RGS5: variants seen among roughly 807,000 people sequenced by gnomAD.
RGS5 encodes regulator of G-protein signalling 5.
Under a neutral mutation model 18.9 loss-of-function variants are expected in RGS5, and 20 were observed. The ratio of observed to expected loss-of-function variants is 1.06; its 90% confidence interval spans 0.74 to 1.54. RGS5 has a LOEUF of 1.54. Ranked by LOEUF, RGS5 falls within the 40% of genes most tolerant of loss-of-function variation. RGS5 has a pLI of 0.00. For synonymous variants in RGS5, 57 were observed against 76.2 expected, an observed-to-expected ratio of 0.75 and a Z score of 1.31; for missense variants, 201 against 211.8, an observed-to-expected ratio of 0.95 and a Z score of 0.32.
chr1:163,186,545 C>T lies in RGS5; in HGVS notation c.44+16247G>A, dbSNP rs561222782. 2.9e-5 allele frequency among the ~76,000 whole-genome samples: 4 copies of T among 137,996 alleles called. No individual in the cohort carries two copies. In the East Asian group the frequency reaches 8.7e-4, roughly 30 times the overall value. The allele number at this position is 137,996 out of a possible 152,430, so 90.5% of individuals were successfully genotyped here. A position where few individuals can be genotyped will look rare whatever the true frequency, so the allele number is the denominator to read the frequency against. On this transcript the variant is annotated intron_variant, in intron 1 of 4. Coordinates refer to ENST00000313961, the MANE Select transcript of RGS5 (RefSeq NM_003617.4). The stretch of plus-strand genomic sequence containing the variant: ...AGTGAGCCGAGATCACACCACTGCA[C>T]TCCAGCCTGGGCGACAGAGCGAGAC...
intron 2 of RGS5, among the ~76,000 whole-genome samples, chr1:163,246,352 C>T (rs1429260159): frequency 2.0e-5 from 3 of 151,704 alleles, no homozygotes; most frequent in Admixed American, 6.6e-5. Flanking sequence ...GGGCGGATCA[C>T]GAGGTCAGGA....
intron 1 of RGS5, among the ~76,000 whole-genome samples, chr1:163,181,512 A>G (rs1462702585): frequency 1.3e-5 from 2 of 152,188 alleles, no homozygotes; most frequent in African/African-American, 4.8e-5. Flanking sequence ...AAAAACTGAG[A>G]TTCACAGAAA....
intron 2 of RGS5, among the ~76,000 whole-genome samples, chr1:163,246,917 T>C (rs1393846417): frequency 1.3e-5 from 2 of 152,132 alleles, no homozygotes; most frequent in African/African-American, 4.8e-5. Flanking sequence ...AAGAATGAAA[T>C]CATGTCGTTT....
intron 1 of RGS5, among the ~76,000 whole-genome samples, chr1:163,216,568 G>A (rs1197809903): frequency 6.6e-6 from 1 of 152,166 alleles, no homozygotes; most frequent in Non-Finnish European, 1.5e-5. Context: ...ATAGCACGGT[G>A]GAGATTTATA....
At chr1:163,229,524 A>G (rs530622793) in intron 2 of RGS5, among the ~76,000 whole-genome samples, 1 of 152,310 alleles carries the variant, frequency 6.6e-6, no homozygotes, top group African/African-American at 2.4e-5. Flanking sequence ...CTCAAGACTG[A>G]CATATGTTCC....
chr1:163,242,490 A>C lies in RGS5; in HGVS notation c.-281+63743T>G, dbSNP rs537368175. Among the ~76,000 whole-genome samples the C allele has an allele frequency of 3.3e-5, 5 of 152,356 alleles. No homozygotes were observed. The South Asian group carries it at 8.3e-4, about 25-fold the overall frequency. ...ATACACAAATGAGTATTATGCTCTA[A>C]GGCAAACTTTGAAACACACCATAAT... On this transcript the variant is annotated intron_variant, in intron 2 of 5. Transcript: ENST00000618415.
At chr1:163,225,324 T>C (rs973078389) in intron 2 of RGS5, among the ~76,000 whole-genome samples, 1 of 152,164 alleles carries the variant, frequency 6.6e-6, no homozygotes, top group Non-Finnish European at 1.5e-5. Context: ...GCTGAGTCCA[T>C]CCAGATTTAC....
At chr1:163,253,003 G>A (rs1571320224) in intron 2 of RGS5, among the ~76,000 whole-genome samples, 1 of 152,262 alleles carries the variant, frequency 6.6e-6, no homozygotes, top group East Asian at 1.9e-4. Flanking sequence ...AATCTCATCT[G>A]TGATGAAAGT....
At chr1:163,178,728 A>C (rs987952083) in intron 1 of RGS5, among the ~76,000 whole-genome samples, 1 of 152,118 alleles carries the variant, frequency 6.6e-6, no homozygotes, top group Non-Finnish European at 1.5e-5. Context: ...CACACACACA[A>C]AGATTGCTTA....
At chr1:163,163,580 G>A (rs1252979397) in intron 2 of RGS5, among the ~76,000 whole-genome samples, 1 of 152,148 alleles carries the variant, frequency 6.6e-6, no homozygotes, top group Non-Finnish European at 1.5e-5. Context: ...TCTACTAGAG[G>A]TCAATAACTC....
chr1:163,270,097 G>A (rs1463206611), intron 2 of RGS5, among the ~76,000 whole-genome samples: 2 of 152,026 alleles, frequency 1.3e-5, no homozygotes, highest in Non-Finnish European at 1.5e-5. Context: ...CCTTACATAA[G>A]TAGTATATAA....
intron 2 of RGS5, among the ~76,000 whole-genome samples, chr1:163,290,593 C>T (rs200309994): frequency 1.3e-5 from 2 of 150,964 alleles, no homozygotes; most frequent in South Asian, 2.1e-4. Context: ...CACATTTTCT[C>T]TCTCATGGCA....
At chr1:163,182,789 G>A (rs1444365599) in intron 1 of RGS5, among the ~76,000 whole-genome samples, 1 of 152,132 alleles carries the variant, frequency 6.6e-6, no homozygotes, top group Non-Finnish European at 1.5e-5. Context: ...GAGCTCCTCT[G>A]AACACTGCAG....
At chr1:163,231,596 G>C (rs1285460380) in intron 2 of RGS5, among the ~76,000 whole-genome samples, 1 of 152,148 alleles carries the variant, frequency 6.6e-6, no homozygotes, top group Non-Finnish European at 1.5e-5. Flanking sequence ...CACAAGGCTA[G>C]AGTAAGCCTG....
intron 3 of RGS5, among the ~76,000 whole-genome samples, chr1:163,157,719 G>GGTGAA (rs113604431): frequency 0.78 from 118,388 of 151,518 alleles, 46,575 homozygotes; most frequent in East Asian, 0.91. Flanking sequence ...AAAAAGAGAT[G>GGTGAA]GTGGTTTGTC....
intron 1 of RGS5, 27 bp downstream of exon 1, chr1:163,202,765 C>G (rs1461114482): frequency 6.2e-7 from 1 of 1,610,806 alleles, no homozygotes; most frequent in East Asian, 2.2e-5. Flanking sequence ...ATCTGCATCT[C>G]TTAAACAAAA....
intron 3 of RGS5, among the ~76,000 whole-genome samples, chr1:163,153,683 T>C (rs1236191772): frequency 4.0e-5 from 6 of 151,354 alleles, no homozygotes; most frequent in Non-Finnish European, 5.9e-5. Flanking sequence ...TAGCCTATTA[T>C]ATATAGATAT....
chr1:163,288,972 C>T (rs1237477081), intron 2 of RGS5, among the ~76,000 whole-genome samples: 1 of 152,128 alleles, frequency 6.6e-6, no homozygotes, highest in East Asian at 1.9e-4. Context: ...TTGGTATATT[C>T]CAGTATGACC....
chr1:163,259,968 C>T (rs1016994103), intron 2 of RGS5: 1 of 152,280 alleles, frequency 6.6e-6, no homozygotes, highest in African/African-American at 2.4e-5. Context: ...AAGAGGGCCA[C>T]ATGCAAATTC....
Sources: gnomAD v4.1 joint callset for allele counts (sites outside exome capture counted in the v4.1 genomes callset) on GRCh38, gnomAD v4.1.1 for gene constraint, MANE v1.5 for transcripts, NCBI Gene and HGNC (gene_info 2026-07-23, HGNC 2026-07-21) for gene names.